Variants in SULF1 observed in about 807,000 individuals in gnomAD.
The protein encoded by SULF1 is extracellular sulfatase Sulf-1.
Under a neutral mutation model 110.5 loss-of-function variants are expected in SULF1, and 46 were observed. The observed-to-expected ratio is 0.42, with a 90% CI of 0.33 to 0.53. The LOEUF (loss-of-function observed/expected upper bound fraction) is 0.53. Among genes scored for constraint, SULF1 ranks in the 20% least tolerant of loss-of-function variants. SULF1 has a pLI of 0.12. For missense variants in SULF1, 941 were observed against 1,094.2 expected (o/e 0.86, Z 1.98); for synonymous variants, 371 against 387.1 (o/e 0.96, Z 0.49).
intron 19 of SULF1, 134 bp from the exon 20 acceptor site, chr8:69,638,368 C>G (rs1405625626): frequency 1.8e-6 from 2 of 1,082,002 alleles, no homozygotes; most frequent in Non-Finnish European, 2.6e-6. Context: ...TTATTCTTAA[C>G]ATGAAACCAC....
intron 3 of SULF1, among the ~76,000 whole-genome samples, chr8:69,555,497 A>G (rs1168160476): frequency 3.3e-5 from 5 of 152,184 alleles, no homozygotes; most frequent in Admixed American, 6.5e-5. Flanking sequence ...TCTCTACTAA[A>G]AATATAAAAA....
At chr8:69,554,386 A>G (rs1297600159) in intron 3 of SULF1, among the ~76,000 whole-genome samples, 1 of 152,160 alleles carries the variant, frequency 6.6e-6, no homozygotes, top group African/African-American at 2.4e-5. Context: ...TTTTACATAT[A>G]AGTAACACTT....
chr8:69,534,738 G>T (rs1049436650), intron 3 of SULF1, among the ~76,000 whole-genome samples: 1 of 151,966 alleles, frequency 6.6e-6, no homozygotes, highest in Non-Finnish European at 1.5e-5. Flanking sequence ...TGAGAAGTTG[G>T]CAAGCTTACA....
At chr8:69,650,907 C>T (rs552632903) in intron 22 of SULF1, among the ~76,000 whole-genome samples, 353 of 152,214 alleles carry the variant, frequency 2.3e-3, no homozygotes, top group Middle Eastern at 6.8e-3. Flanking sequence ...GCCCCAGTTC[C>T]TTTTAAAGGG....
At chr8:69,557,080 G>A (rs1815165790) in intron 3 of SULF1, among the ~76,000 whole-genome samples, 2 of 152,302 alleles carry the variant, frequency 1.3e-5, no homozygotes, top group Middle Eastern at 3.4e-3. Flanking sequence ...GTTCATCCAT[G>A]TCCCTGCAAA....
chr8:69,548,763 G>A (rs1814477135), intron 3 of SULF1, among the ~76,000 whole-genome samples: 2 of 151,690 alleles, frequency 1.3e-5, no homozygotes, highest in African/African-American at 4.9e-5. Context: ...GCCCAGACTT[G>A]GATGTTAATA....
intron 5 of SULF1, among the ~76,000 whole-genome samples, chr8:69,564,760 C>T (rs528280114): frequency 1.1e-4 from 17 of 152,338 alleles, no homozygotes; most frequent in African/African-American, 3.8e-4. Flanking sequence ...CCTTCTATAT[C>T]ACCTGACTGG....
intron 1 of SULF1, among the ~76,000 whole-genome samples, chr8:69,476,676 T>C (rs1003745071): frequency 3.3e-5 from 5 of 152,240 alleles, no homozygotes; most frequent in Non-Finnish European, 5.9e-5. Context: ...TTCTGAACCA[T>C]ATTCCCTAGT....
intron 10 of SULF1, 70 bp from the exon 11 acceptor site, chr8:69,603,122 G>C (rs1807962168): frequency 5.6e-6 from 9 of 1,601,238 alleles, no homozygotes; most frequent in African/African-American, 1.3e-5. Context: ...CACTGCTGTA[G>C]AAAAAGCAGC....
chr8:69,558,087 G>T (rs190586327), intron 3 of SULF1, among the ~76,000 whole-genome samples: 1 of 152,178 alleles, frequency 6.6e-6, no homozygotes, highest in African/African-American at 2.4e-5. Flanking sequence ...GTGGATTCAT[G>T]TATCTTATAA....
chr8:69,506,213 A>G (rs959329610), intron 3 of SULF1, among the ~76,000 whole-genome samples: 5 of 147,414 alleles, frequency 3.4e-5, no homozygotes, highest in East Asian at 2.0e-4. Context: ...CTTTTTCTTT[A>G]TAAGAGAGAT....
intron 6 of SULF1, among the ~76,000 whole-genome samples, chr8:69,579,595 G>T (rs963206780): frequency 2.7e-5 from 4 of 149,926 alleles, no homozygotes; most frequent in Non-Finnish European, 4.4e-5. Context: ...AGACTGAAAT[G>T]GCAGTGATAG....
At position 69,658,518 on chromosome 8, in the gene SULF1, G is replaced by C. The variant is rs746739276; in HGVS notation, c.2599G>C (p.Asp867His). 6.2e-7 allele frequency: 1 copy of C among 1,606,564 alleles called. No homozygotes were observed. The highest frequency in any genetic ancestry group is 1.3e-5 in the African/African-American group (1 of 74,836). Residue 867 changes from aspartate (D) to histidine (H), a missense_variant, in exon 23 of 23, where the codon GAT becomes CAT. Physicochemically the swap from Asp to His is moderately conservative, Grantham distance 81. This residue lies in a region of SULF1 where 112 missense variants were observed against 133.5 expected (regional missense o/e 0.84). Transcript: ENST00000402687. ...CTCTTTTCACAGAGGACAGTTATGG[G>C]ATGGATGGGAAGGTTAATCAGCCCC... The part of the protein sequence containing the change: ...SYDLHRGQLW[D>H]GWEG
At chr8:69,622,841 T>C (rs1230530238) in intron 14 of SULF1, among the ~76,000 whole-genome samples, 1 of 152,068 alleles carries the variant, frequency 6.6e-6, no homozygotes, top group East Asian at 1.9e-4. Context: ...TCTGCAAGGA[T>C]GGAACTCGTA....
chr8:69,466,978 C>T (rs1808882358), intron 1 of SULF1: 1 of 152,174 alleles, frequency 6.6e-6, no homozygotes, highest in Non-Finnish European at 1.5e-5. Flanking sequence ...GAATGCTTCT[C>T]TCCCCCTCTC....
At chr8:69,470,941 A>T (rs1207250063) in intron 1 of SULF1, among the ~76,000 whole-genome samples, 3 of 152,124 alleles carry the variant, frequency 2.0e-5, no homozygotes, top group African/African-American at 7.2e-5. Context: ...TGTCTTTAAA[A>T]TGAGTTTGTC....
chr8:69,574,040 C>T (rs951675413), intron 5 of SULF1, among the ~76,000 whole-genome samples: 7 of 152,268 alleles, frequency 4.6e-5, no homozygotes, highest in East Asian at 1.9e-4. Context: ...CTGCACCCTT[C>T]GTGGACCAGC....
intron 5 of SULF1, among the ~76,000 whole-genome samples, chr8:69,564,938 A>C (rs552646599): frequency 2.6e-5 from 4 of 152,308 alleles, no homozygotes; most frequent in South Asian, 4.1e-4. Context: ...CCTTGCTCTC[A>C]GGCATCACCC....
At chr8:69,556,942 C>A (rs932823605) in intron 3 of SULF1, among the ~76,000 whole-genome samples, 2 of 152,088 alleles carry the variant, frequency 1.3e-5, no homozygotes, top group Admixed American at 1.3e-4. Context: ...CCCCAACAGG[C>A]CCCAGCGTGT....
Sources: allele counts gnomAD v4.1 joint callset (sites outside exome capture counted in the v4.1 genomes callset), GRCh38; gene constraint gnomAD v4.1.1; regional missense constraint gnomAD v4.1.1; transcripts MANE v1.5; gene names NCBI Gene and HGNC (gene_info 2026-07-23, HGNC 2026-07-21).